KCNC4: variants seen among roughly 807,000 people sequenced by gnomAD.
The protein encoded by KCNC4 is potassium voltage-gated channel subfamily C member 4.
In KCNC4, 23 loss-of-function variants were observed where a neutral mutation model predicts 42.8. The ratio of observed to expected loss-of-function variants is 0.54; its 90% CI spans 0.39 to 0.76. KCNC4 has a LOEUF of 0.76. KCNC4 is among the 30% of genes least tolerant of loss of function. KCNC4 has a pLI of 0.00. For missense variants in KCNC4, 751 were observed against 898.2 expected, an observed-to-expected ratio of 0.84 and a Z score of 2.10; for synonymous variants, 422 against 393.5, an observed-to-expected ratio of 1.07 and a Z score of -0.86.
At chr1:110,232,653 G>A (rs1490999186) in intron 3 of KCNC4, 16 of 1,450,672 alleles carry the variant, frequency 1.1e-5, no homozygotes, top group Non-Finnish European at 1.4e-5. Context: ...TGGCAGAGGG[G>A]TGAAGGGTTC....
At chr1:110,215,355 G>A (rs1162785790) in intron 1 of KCNC4, among the ~76,000 whole-genome samples, 1 of 152,188 alleles carries the variant, frequency 6.6e-6, no homozygotes, top group African/African-American at 2.4e-5. Context: ...GCAGAGTGAA[G>A]GCTCACCGTG....
At chr1:110,237,731 A>T (rs1658940261), downstream of KCNC4, 1 of 152,206 alleles carries the variant, frequency 6.6e-6, no homozygotes, top group Admixed American at 6.5e-5. Flanking sequence ...TTTCCTAGCA[A>T]GATTTTCCTT....
intron 1 of KCNC4, among the ~76,000 whole-genome samples, chr1:110,266,072 G>A (rs1488801445): frequency 6.6e-6 from 1 of 151,688 alleles, no homozygotes; most frequent in African/African-American, 2.4e-5. Context: ...GAGGCACTGT[G>A]GAGCATTTAA....
intron 3 of KCNC4, among the ~76,000 whole-genome samples, chr1:110,229,743 G>A (rs528748700): frequency 7.2e-5 from 11 of 152,278 alleles, no homozygotes; most frequent in Non-Finnish European, 1.6e-4. Context: ...GAAGTGTGGG[G>A]ACAGAAGCCA....
At position 110,261,209 on chromosome 1, in the gene KCNC4, T is replaced by G. The variant is rs1040389303; in HGVS notation, n.31-21325T>G. Among the ~76,000 whole-genome samples the G allele has an allele frequency of 2.6e-5, 4 of 152,238 alleles. No homozygotes were observed. In the South Asian group the frequency reaches 6.2e-4, roughly 24 times the overall value. On this transcript the variant is annotated intron_variant and non_coding_transcript_variant, in intron 1 of 2. Coordinates refer to the KCNC4 transcript ENST00000412512. ...ATAAACATATGCGTGAATCCTTTAG[T>G]GTTCTTAGTAATTGCAAAACACAAA...
chr1:110,235,783 C>T (rs1416627626), downstream of KCNC4: 1 of 152,206 alleles, frequency 6.6e-6, no homozygotes, highest in Admixed American at 6.5e-5. Context: ...GTTAAAAGAA[C>T]AGGACATTGT....
chr1:110,262,933 C>A (rs895404729), intron 1 of KCNC4, among the ~76,000 whole-genome samples: 2 of 152,216 alleles, frequency 1.3e-5, no homozygotes, highest in African/African-American at 4.8e-5. Context: ...TGAGACTCCG[C>A]GTAACCCCAT....
intron 3 of KCNC4, chr1:110,232,669 A>G (rs1658756320): frequency 6.8e-7 from 1 of 1,465,148 alleles, no homozygotes; most frequent in Admixed American, 2.3e-5. Context: ...GGTTCACCCC[A>G]TTCCCTGACC....
intron 1 of KCNC4, among the ~76,000 whole-genome samples, chr1:110,216,270 G>A (rs1196775285): frequency 6.6e-6 from 1 of 152,220 alleles, no homozygotes; most frequent in Non-Finnish European, 1.5e-5. Context: ...TGCCCTCTGA[G>A]CTAGGGTGAA....
intron 3 of KCNC4, 91 bp from the exon 4 acceptor site, chr1:110,232,820 T>C (rs1658764426): frequency 6.4e-7 from 1 of 1,550,440 alleles, no homozygotes. Context: ...CCCTTTCTTT[T>C]GCTGAACTCC....
At chr1:110,242,584 GAAGCAC>G (rs1379636432) in exon 4 of KCNC4, 5 of 152,238 alleles carry the variant, frequency 3.3e-5, no homozygotes, top group African/African-American at 4.8e-5. Context: ...TGGAACTCCT[GAAGCAC>G]CACTGGAGGC....
chr1:110,262,903 C>T (rs926795456), intron 1 of KCNC4, among the ~76,000 whole-genome samples: 1 of 152,230 alleles, frequency 6.6e-6, no homozygotes, highest in African/African-American at 2.4e-5. Flanking sequence ...TCCCGCCTGT[C>T]AAGCCTTGAG....
chr1:110,212,408 C>T (rs1657530435), intron 1 of KCNC4, among the ~76,000 whole-genome samples: 1 of 152,160 alleles, frequency 6.6e-6, no homozygotes. Context: ...ACTACTTGGA[C>T]CCAGTCCCAG....
In KCNC4 at chr1:110,223,185, C is replaced by A; in HGVS notation, c.900C>A (p.Ile300=). The A allele has an allele frequency of 6.2e-7, 1 of 1,614,232 alleles. No homozygotes were observed. The highest frequency in any genetic ancestry group is 8.5e-7 in the Non-Finnish European group (1 of 1,180,038). The change falls in exon 2 of 4, where the codon ATC becomes ATA. Residue 300 remains isoleucine (I), a synonymous_variant. Transcript: ENST00000438661. This position sits in a 1 kb window ranked among gnomAD's most constrained non-coding sequence, Gnocchi z 7.5. The part of the protein sequence containing the change: ...LWFTLEFLVR[I]VCCPDTLDFV... ...TCACACTGGAGTTCCTGGTGCGCAT[C>A]GTGTGCTGCCCCGACACGCTGGACT...
At chr1:110,274,065 T>C (rs960234135) in intron 1 of KCNC4, among the ~76,000 whole-genome samples, 1 of 152,208 alleles carries the variant, frequency 6.6e-6, no homozygotes, top group African/African-American at 2.4e-5. Flanking sequence ...TGTTCACTGA[T>C]GATATGATCT....
At chr1:110,232,391 G>C in intron 3 of KCNC4, 1 of 1,543,962 alleles carries the variant, frequency 6.5e-7, no homozygotes, top group Non-Finnish European at 8.7e-7. Flanking sequence ...ATCCCAGGGT[G>C]GTGACAGCAG....
chr1:110,266,096 T>A (rs1426125612), intron 1 of KCNC4, among the ~76,000 whole-genome samples: 1 of 149,724 alleles, frequency 6.7e-6, no homozygotes, highest in Admixed American at 6.6e-5. Flanking sequence ...ATGCAGGCAT[T>A]CTTCTGCTTA....
At chr1:110,263,467 T>A (rs1197387506) in intron 1 of KCNC4, among the ~76,000 whole-genome samples, 2 of 152,098 alleles carry the variant, frequency 1.3e-5, no homozygotes, top group African/African-American at 4.8e-5. Context: ...GGAGATAGAA[T>A]GACCGATATT....
At chr1:110,226,238 C>A in intron 3 of KCNC4, 60 bp downstream of exon 3, 1 of 1,504,378 alleles carries the variant, frequency 6.6e-7, no homozygotes, top group South Asian at 1.1e-5. Flanking sequence ...TCCCGAGTCC[C>A]CCACCAAGAG....
Sources: allele counts gnomAD v4.1 joint callset (sites outside exome capture counted in the v4.1 genomes callset), GRCh38; gene constraint gnomAD v4.1.1; non-coding constraint Gnocchi (gnomAD v3.1); transcripts MANE v1.5; gene names NCBI Gene and HGNC (gene_info 2026-07-23, HGNC 2026-07-21).